The following WDPCP variants were observed in gnomAD, a reference collection of about 807,000 sequenced individuals.
WDPCP encodes WD repeat containing planar cell polarity effector.
Under a neutral mutation model 93.1 loss-of-function variants are expected in WDPCP, and 71 were observed. The observed-to-expected ratio is 0.76, with a 90% confidence interval of 0.63 to 0.93. WDPCP has a LOEUF of 0.93. WDPCP is among the 40% of genes least tolerant of loss of function. WDPCP has a pLI of 0.00. For synonymous variants in WDPCP, 315 were observed against 315.0 expected (o/e 1.00, Z 0.00); for missense variants, 844 against 887.4 (o/e 0.95, Z 0.62).
intron 2 of WDPCP, among the ~76,000 whole-genome samples, chr2:63,653,166 C>G (rs1434465443): frequency 2.0e-5 from 3 of 152,110 alleles, no homozygotes; most frequent in African/African-American, 7.2e-5. Flanking sequence ...CAGAAGGGAG[C>G]TTTACAGTGA....
At chr2:63,725,555 T>C (rs1669485320) in intron 2 of WDPCP, among the ~76,000 whole-genome samples, 1 of 152,216 alleles carries the variant, frequency 6.6e-6, no homozygotes, top group Non-Finnish European at 1.5e-5. Context: ...CCTTTGGGTA[T>C]ATACCTAGTA....
rs891961423 is a variant in WDPCP, at chr2:63,752,604, C to T, written n.308+61018G>A. On this transcript the variant is annotated intron_variant and non_coding_transcript_variant, in intron 2 of 4. Coordinates refer to the WDPCP transcript ENST00000467687. The stretch of plus-strand genomic sequence containing the variant: ...CTTCCAGTGAAGAGCTGCTCAGGCT[C>T]TTTAGGATACTGATTTAGACATGAC... 5.4e-6 allele frequency: 3 copies of T among 557,250 alleles called. No individual in the cohort carries two copies. The African/African-American group carries it at 5.7e-5, about 11-fold the overall frequency. The allele number at this position is 557,250 out of a possible 1,614,324, so 34.5% of individuals were successfully genotyped here. A position where few individuals can be genotyped will look rare whatever the true frequency, so the allele number is the denominator to read the frequency against.
At chr2:63,577,150 T>C (rs1708169702) in intron 1 of WDPCP, among the ~76,000 whole-genome samples, 1 of 152,212 alleles carries the variant, frequency 6.6e-6, no homozygotes, top group South Asian at 2.1e-4. Flanking sequence ...TAAAGTGTAA[T>C]TTCCAAAGTG....
At chr2:63,238,002 T>TA (rs767082151) in intron 14 of WDPCP, among the ~76,000 whole-genome samples, 25,764 of 140,134 alleles carry the variant, frequency 0.18, 2,443 homozygotes, top group Middle Eastern at 0.25. Flanking sequence ...AAATATTTTC[T>TA]AAAAAAAAAA....
chr2:63,177,804 G>C (rs1423089990), intron 14 of WDPCP, among the ~76,000 whole-genome samples: 1 of 152,012 alleles, frequency 6.6e-6, no homozygotes, highest in African/African-American at 2.4e-5. Flanking sequence ...CCTGATCCTA[G>C]AGAAAGGGCT....
chr2:63,594,510 T>G, intron 3 of WDPCP: 1 of 1,613,864 alleles, frequency 6.2e-7, no homozygotes, highest in Non-Finnish European at 8.5e-7. Flanking sequence ...AGAGTCCTTG[T>G]GACTGGAGCA....
At chr2:63,730,675 G>A (rs542699119) in intron 2 of WDPCP, among the ~76,000 whole-genome samples, 9 of 152,178 alleles carry the variant, frequency 5.9e-5, no homozygotes, top group Admixed American at 4.6e-4. Flanking sequence ...CAGGAGATAT[G>A]ACATGATCAC....
chr2:63,820,668 C>T (rs553629700), intron 1 of WDPCP, among the ~76,000 whole-genome samples: 2 of 152,042 alleles, frequency 1.3e-5, no homozygotes, highest in African/African-American at 2.4e-5. Flanking sequence ...TAAATATTTC[C>T]GCATTTTGGT....
chr2:63,757,825 T>C (rs539821078), intron 2 of WDPCP, among the ~76,000 whole-genome samples: 1 of 152,322 alleles, frequency 6.6e-6, no homozygotes, highest in Non-Finnish European at 1.5e-5. Context: ...CAGAAACACA[T>C]GTATAGATGG....
intron 1 of WDPCP, among the ~76,000 whole-genome samples, chr2:63,816,299 T>C (rs1354099876): frequency 6.6e-6 from 1 of 152,174 alleles, no homozygotes; most frequent in Non-Finnish European, 1.5e-5. Flanking sequence ...AGATGTATAT[T>C]ATTAGGTGAC....
intron 2 of WDPCP, among the ~76,000 whole-genome samples, chr2:63,758,053 A>G (rs1254771274): frequency 6.6e-6 from 1 of 152,108 alleles, no homozygotes; most frequent in Non-Finnish European, 1.5e-5. Flanking sequence ...CACAAAGACA[A>G]GTAGGATCAA....
chr2:63,440,317 CTAA>C (rs1406940842), intron 6 of WDPCP: 1 of 153,218 alleles, frequency 6.5e-6, no homozygotes, highest in Non-Finnish European at 1.5e-5. Context: ...ATATAAACAG[CTAA>C]TGTTATGCAT....
At chr2:63,582,545 TA>T (rs951721236) in intron 1 of WDPCP, among the ~76,000 whole-genome samples, 1 of 151,980 alleles carries the variant, frequency 6.6e-6, no homozygotes, top group Non-Finnish European at 1.5e-5. Flanking sequence ...TTGAAAACTA[TA>T]AACCTATGGA....
At chr2:63,523,738 G>C (rs1703113226) in intron 1 of WDPCP, among the ~76,000 whole-genome samples, 1 of 151,988 alleles carries the variant, frequency 6.6e-6, no homozygotes, top group African/African-American at 2.4e-5. Context: ...GTGGCAAAAC[G>C]CCATCTCGAA....
At chr2:63,722,953 T>C (rs1410738864) in intron 2 of WDPCP, among the ~76,000 whole-genome samples, 1 of 152,186 alleles carries the variant, frequency 6.6e-6, no homozygotes, top group Non-Finnish European at 1.5e-5. Flanking sequence ...AAACTTCTTC[T>C]GCCTTGGGAT....
chr2:63,293,560 G>C (rs574593249), intron 13 of WDPCP, among the ~76,000 whole-genome samples: 19 of 151,818 alleles, frequency 1.3e-4, no homozygotes, highest in Non-Finnish European at 2.4e-4. Flanking sequence ...GAAAAAAAAA[G>C]ACCTAATGGC....
chr2:63,248,340 G>A (rs953318971), intron 14 of WDPCP, among the ~76,000 whole-genome samples: 4 of 152,088 alleles, frequency 2.6e-5, no homozygotes, highest in Non-Finnish European at 5.9e-5. Context: ...AGAATCCCTT[G>A]TATATGATGA....
the WDPCP span, among the ~76,000 whole-genome samples, chr2:63,834,833 T>C: frequency 6.6e-6 from 1 of 152,318 alleles, no homozygotes; most frequent in South Asian, 2.1e-4. Context: ...CTCTGGTGGC[T>C]CTGAAACTCT....
intron 2 of WDPCP, among the ~76,000 whole-genome samples, chr2:63,651,258 C>A (rs545294626): frequency 7.0e-4 from 106 of 152,102 alleles, no homozygotes; most frequent in African/African-American, 2.4e-3. Context: ...TGTCCTTTAA[C>A]AAGTATGGGT....
Sources: allele counts gnomAD v4.1 joint callset (sites outside exome capture counted in the v4.1 genomes callset), GRCh38; gene constraint gnomAD v4.1.1; transcripts MANE v1.5; gene names NCBI Gene and HGNC (gene_info 2026-07-23, HGNC 2026-07-21).